The following RPAP3 variants were observed in gnomAD, a reference collection of about 807,000 sequenced individuals.
RPAP3 encodes RNA polymerase II-associated protein 3.
RPAP3 carries 58 observed loss-of-function variants against 88.8 expected under a neutral mutation model. The observed-to-expected ratio is 0.65, with a 90% CI of 0.53 to 0.81. The LOEUF is 0.81. Ranked by LOEUF, RPAP3 falls within the 40% of genes least tolerant of loss-of-function variation. RPAP3 has a pLI of 0.00. For missense variants in RPAP3, 751 were observed against 764.3 expected (o/e 0.98, Z 0.20); for synonymous variants, 255 against 259.9 (o/e 0.98, Z 0.18).
intron 12 of RPAP3, among the ~76,000 whole-genome samples, chr12:47,677,799 A>G (rs557734032): frequency 1.4e-4 from 21 of 152,328 alleles, no homozygotes; most frequent in African/African-American, 5.1e-4. Flanking sequence ...AAGAATCAAT[A>G]TTGTGAAAAT....
rs1467950903 is a variant in RPAP3, at chr12:47,681,798, CT to C, written c.1011del (p.Asp338ThrfsTer8). 1.2e-6 allele frequency: 2 copies of C among 1,606,692 alleles called. No individual in the cohort carries two copies. Among genetic ancestry groups the C allele is most frequent in the East Asian group, 2.2e-5 (1 of 44,678 alleles). On this transcript the variant is annotated frameshift_variant, in exon 10 of 17. Transcript: ENST00000005386. LOFTEE classifies it high-confidence loss of function. ...TCTAATAAAATGGCTTGTGTGCAGT[CT>C]TTTTCAGCTTCTTCATATCTATTGA... ...LKIQKYEEAE[K>X]DCTQAILLDG... is the part of the protein sequence containing the mutation.
At chr12:47,700,936 G>T (rs1263527955) in intron 3 of RPAP3, among the ~76,000 whole-genome samples, 1 of 152,196 alleles carries the variant, frequency 6.6e-6, no homozygotes, top group Non-Finnish European at 1.5e-5. Flanking sequence ...CTGTTTAGGG[G>T]TTAGAGAAGG....
intron 2 of RPAP3, among the ~76,000 whole-genome samples, chr12:47,702,304 G>C (rs921689248): frequency 3.3e-5 from 5 of 152,266 alleles, no homozygotes; most frequent in Admixed American, 3.3e-4. Flanking sequence ...CCAGCACTTC[G>C]GGAGGCCGAG....
intron 2 of RPAP3, 40 bp from the exon 3 acceptor site, chr12:47,701,644 GCT>G (rs1228156860): frequency 4.1e-6 from 6 of 1,468,760 alleles, no homozygotes; most frequent in African/African-American, 1.4e-5. Context: ...TGAGTATTAT[GCT>G]CTGTTACTCT....
intron 16 of RPAP3, among the ~76,000 whole-genome samples, chr12:47,666,065 G>A (rs1175004277): frequency 6.6e-6 from 1 of 152,116 alleles, no homozygotes; most frequent in Non-Finnish European, 1.5e-5. Context: ...TGTATGTTTA[G>A]TACAGGAGGT....
chr12:47,669,137 C>A, intron 13 of RPAP3, 35 bp from the exon 14 acceptor site: 1 of 1,484,150 alleles, frequency 6.7e-7, no homozygotes, highest in Non-Finnish European at 9.3e-7. Flanking sequence ...CAGAAAAGAA[C>A]CATAAATAAT....
At chr12:47,693,910 G>GT (rs1235662365) in intron 5 of RPAP3, among the ~76,000 whole-genome samples, 2 of 152,260 alleles carry the variant, frequency 1.3e-5, no homozygotes, top group East Asian at 3.9e-4. Flanking sequence ...GCAAAAAATT[G>GT]TAAGACTGTT....
intron 5 of RPAP3, among the ~76,000 whole-genome samples, chr12:47,691,467 G>A (rs1382543809): frequency 6.6e-6 from 1 of 152,126 alleles, no homozygotes; most frequent in African/African-American, 2.4e-5. Context: ...CATGAATTAT[G>A]GACATTCTTA....
rs770832332 is a variant in RPAP3, at chr12:47,670,365, T to C, written c.1288-20A>G. On this transcript the variant is annotated intron_variant, in intron 12 of 16. Transcript: ENST00000005386. ...TGGTTTCTAAAACAATTAAAATCAA[T>C]TCCTTAAATCAAAATATTAAAGGTT... 1.0e-5 allele frequency: 14 copies of C among 1,391,732 alleles called. 1 individual carries two copies. The South Asian group carries it at 1.7e-4, about 17-fold the overall frequency. 86.2% of individuals were successfully genotyped at this position (1,391,732 alleles called of 1,614,324 possible). A position where few individuals can be genotyped will look rare whatever the true frequency, so the allele number is the denominator to read the frequency against.
At chr12:47,702,303 C>T (rs974546241) in intron 2 of RPAP3, among the ~76,000 whole-genome samples, 15 of 151,854 alleles carry the variant, frequency 9.9e-5, no homozygotes, top group Non-Finnish European at 2.9e-5. Context: ...CCCAGCACTT[C>T]GGGAGGCCGA....
intron 1 of RPAP3, among the ~76,000 whole-genome samples, chr12:47,705,441 A>G (rs892329038): frequency 2.6e-5 from 4 of 152,246 alleles, no homozygotes; most frequent in African/African-American, 9.6e-5. Context: ...AAGCGCAACA[A>G]GTCAGTGAGA....
In RPAP3 at chr12:47,668,955, T is replaced by C. The variant is rs1938937920; in HGVS notation, c.1674A>G (p.Gln558=). The C allele has an allele frequency of 6.2e-7, 1 of 1,613,930 alleles. No individual in the cohort carries two copies. Among genetic ancestry groups the C allele is most frequent in the African/African-American group, 1.3e-5 (1 of 74,932 alleles). The change falls in exon 14 of 17, where the codon CAA becomes CAG. Residue 558 remains glutamine, a synonymous_variant. Coordinates refer to ENST00000005386, the MANE Select transcript of RPAP3 (RefSeq NM_024604.3). ...NSFQLESDFR[Q]LKSSPDMLYQ... The stretch of plus-strand genomic sequence containing the variant: ...ACAACATATCTGGAGAACTTTTCAA[T>C]TGTCTGAAATCAGATTCGAGCTGGA...
chr12:47,685,241 T>C (rs1939298545), intron 9 of RPAP3, among the ~76,000 whole-genome samples: 1 of 152,052 alleles, frequency 6.6e-6, no homozygotes, highest in South Asian at 2.1e-4. Flanking sequence ...TAGCTAGGTG[T>C]CATGGCGCAT....
intron 1 of RPAP3, 93 bp from the exon 2 acceptor site, chr12:47,702,939 A>G: frequency 1.0e-6 from 1 of 953,702 alleles, no homozygotes; most frequent in Non-Finnish European, 1.5e-6. Flanking sequence ...CCACTTCATA[A>G]GTGGCCAAGA....
At chr12:47,696,922 C>T (rs1939542972) in intron 4 of RPAP3, among the ~76,000 whole-genome samples, 1 of 152,074 alleles carries the variant, frequency 6.6e-6, no homozygotes, top group Non-Finnish European at 1.5e-5. Flanking sequence ...AGGCACTGAC[C>T]CCACACTGTT....
In RPAP3 at chr12:47,679,687, T is replaced by C. The variant is rs767080483; in HGVS notation, c.1185+17A>G. 2.5e-6 allele frequency: 4 copies of C among 1,578,398 alleles called. No homozygotes were observed. The highest frequency in any genetic ancestry group is 3.5e-6 in the Non-Finnish European group (4 of 1,154,182). On this transcript the variant is annotated intron_variant, in intron 11 of 16. Transcript: ENST00000005386. Reference sequence around the variant, plus strand: ...TTCAGAAAATATGACCATGTTTGGGTGAAAAGAATACATTACCTTTTTAAT... The same window carrying C: ...TTCAGAAAATATGACCATGTTTGGGCGAAAAGAATACATTACCTTTTTAAT...
At chr12:47,666,406 T>A (rs1938874746) in intron 16 of RPAP3, among the ~76,000 whole-genome samples, 1 of 152,182 alleles carries the variant, frequency 6.6e-6, no homozygotes, top group African/African-American at 2.4e-5. Flanking sequence ...ACTACATGTA[T>A]CATTCTTTCA....
At chr12:47,668,496 A>C (rs1406743768) in intron 14 of RPAP3, among the ~76,000 whole-genome samples, 1 of 152,224 alleles carries the variant, frequency 6.6e-6, no homozygotes, top group Non-Finnish European at 1.5e-5. Flanking sequence ...TGTTACTCTC[A>C]TTACACTTGA....
intron 12 of RPAP3, among the ~76,000 whole-genome samples, chr12:47,677,038 T>A (rs1312872358): frequency 6.6e-6 from 1 of 152,116 alleles, no homozygotes; most frequent in Admixed American, 6.5e-5. Context: ...AAAAACCTTA[T>A]CCACCACGAT....
Sources: gnomAD v4.1 joint callset for allele counts (sites outside exome capture counted in the v4.1 genomes callset) on GRCh38, gnomAD v4.1.1 for gene constraint, MANE v1.5 for transcripts, NCBI Gene and HGNC (gene_info 2026-07-23, HGNC 2026-07-21) for gene names.